The following ZNF217 variants were observed in gnomAD, a reference collection of about 807,000 sequenced individuals.
ZNF217 encodes the protein zinc finger protein 217.
ZNF217 carries 12 observed loss-of-function variants against 73.3 expected under a neutral mutation model. That is an observed-to-expected ratio of 0.16 (90% CI 0.10 to 0.27). The LOEUF is 0.27. ZNF217 is among the 10% of genes least tolerant of loss of function. The pLI is 1.00. For missense variants in ZNF217, 1,195 were observed against 1,327.8 expected (o/e 0.90, Z 1.55); for synonymous variants, 588 against 516.4 (o/e 1.14, Z -1.88).
intron 5 of ZNF217, among the ~76,000 whole-genome samples, chr20:53,570,894 A>G (rs75938534): frequency 3.9e-5 from 6 of 152,372 alleles, no homozygotes; most frequent in Non-Finnish European, 5.9e-5. Context: ...AGCAAACTGC[A>G]TAATCCATGC....
At chr20:53,587,509 G>A (rs1290626379) in intron 1 of ZNF217, among the ~76,000 whole-genome samples, 2 of 152,112 alleles carry the variant, frequency 1.3e-5, no homozygotes, top group African/African-American at 2.4e-5. Flanking sequence ...CTGATTAACA[G>A]GTTATCTTAC....
chr20:53,591,273 A>T (rs1030442702), intron 1 of ZNF217, among the ~76,000 whole-genome samples: 5 of 152,262 alleles, frequency 3.3e-5, no homozygotes, highest in African/African-American at 1.2e-4. Context: ...TTGTGAAGAC[A>T]AAAGGATTAA....
At chr20:53,590,493 A>G (rs545452215) in intron 1 of ZNF217, among the ~76,000 whole-genome samples, 36 of 152,336 alleles carry the variant, frequency 2.4e-4, no homozygotes, top group Non-Finnish European at 4.3e-4. Flanking sequence ...AAATAGAGTC[A>G]GCTAAAAGTA....
Position 53,582,665 on chromosome 20 carries a change from T to A in ZNF217, c.162A>T (p.Lys54Asn). 6.2e-7 allele frequency: 1 copy of A among 1,614,142 alleles called. No homozygotes were observed. The highest frequency in any genetic ancestry group is 8.5e-7 in the Non-Finnish European group (1 of 1,180,026). ...AVVPFRATQE[K>N]NVIQIEGYMP... is the part of the protein sequence containing the mutation. Reference sequence around the variant, plus strand: ...TATACCCCTCGATTTGGATGACATTTTTTTCTTGTGTAGCTCGGAATGGAA... The same window carrying A: ...TATACCCCTCGATTTGGATGACATTATTTTCTTGTGTAGCTCGGAATGGAA... Residue 54 changes from lysine (K) to asparagine (N), a missense_variant, in exon 2 of 6, where the codon AAA (lysine) becomes AAT (asparagine). Physicochemically the swap from Lys to Asn is moderately conservative, Grantham distance 94. Transcript: ENST00000371471. The surrounding 1 kb of genome is among the most constrained non-coding windows in gnomAD (Gnocchi z 4.8).
At position 53,582,950 on chromosome 20, in the gene ZNF217, C is replaced by T. The variant is rs1988565152; in HGVS notation, c.-124G>A. The T allele has an allele frequency of 9.3e-7, 1 of 1,077,948 alleles. No individual in the cohort carries two copies. Among genetic ancestry groups the T allele is most frequent in the Non-Finnish European group, 1.3e-6 (1 of 753,644 alleles). 66.8% of individuals were successfully genotyped at this position (1,077,948 alleles called of 1,614,324 possible). The stretch of plus-strand genomic sequence containing the variant: ...AGAGCAAATATTTATTATAAAAGTT[C>T]AAAAGAAAGTGTATAGTCCTCTAAC... On this transcript the variant is annotated 5_prime_UTR_variant, in exon 2 of 6. Transcript: ENST00000371471. This position sits in a 1 kb window ranked among gnomAD's most constrained non-coding sequence, Gnocchi z 4.8.
chr20:53,577,997 A>G (rs1046764272), intron 3 of ZNF217, among the ~76,000 whole-genome samples: 9 of 152,182 alleles, frequency 5.9e-5, no homozygotes, highest in Non-Finnish European at 1.3e-4. Context: ...CTGTAATCCC[A>G]ACTACTGGGG....
At chr20:53,594,045 C>CA (rs1988985871), upstream of ZNF217, among the ~76,000 whole-genome samples, 1 of 150,650 alleles carries the variant, frequency 6.6e-6, no homozygotes, top group South Asian at 2.1e-4. Flanking sequence ...GACCCCCCCC[C>CA]AACAAAAAAG....
At position 53,569,280 on chromosome 20, in the gene ZNF217, T is replaced by G; in HGVS notation, c.*24-16A>C. ...CCACCAAGACCTAAGGAAAACAACATTTTTTAAATGATTAAGATCAAAACT... is the reference window on the plus strand; with the variant it reads ...CCACCAAGACCTAAGGAAAACAACAGTTTTTAAATGATTAAGATCAAAACT... On this transcript the variant is annotated splice_polypyrimidine_tract_variant and intron_variant, in intron 5 of 5. Coordinates refer to ENST00000371471, the MANE Select transcript of ZNF217 (RefSeq NM_006526.3). The G allele has an allele frequency of 7.7e-7, 1 of 1,291,368 alleles. No individual in the cohort carries two copies. Among genetic ancestry groups the G allele is most frequent in the Non-Finnish European group, 1.0e-6 (1 of 990,672 alleles). The allele number at this position is 1,291,368 out of a possible 1,614,324, so 80.0% of individuals were successfully genotyped here. A position where few individuals can be genotyped will look rare whatever the true frequency, so the allele number is the denominator to read the frequency against.
chr20:53,577,580 G>C (rs528308340), intron 3 of ZNF217, among the ~76,000 whole-genome samples: 5 of 152,278 alleles, frequency 3.3e-5, no homozygotes, highest in South Asian at 2.1e-4. Context: ...GCACAAAAAG[G>C]TTAAATAACT....
At chr20:53,587,487 CCT>C (rs1336068409) in intron 1 of ZNF217, among the ~76,000 whole-genome samples, 3 of 152,172 alleles carry the variant, frequency 2.0e-5, no homozygotes, top group African/African-American at 4.8e-5. Flanking sequence ...AACAGCACAG[CCT>C]CTGTTTCTTC....
At position 53,578,421 on chromosome 20, in the gene ZNF217, GT is replaced by G; in HGVS notation, c.1395del (p.Lys465AsnfsTer50). On this transcript the variant is annotated frameshift_variant, in exon 3 of 6. Transcript: ENST00000371471. LOFTEE classifies it high-confidence loss of function. ...LDKNDDGGKI[K>X]HLTSSRECSY... ...CTACACTCTCTTGAAGATGTAAGAT[GT>G]TTTATTTTTCCTCCATCATCATTTT... 6.4e-7 allele frequency: 1 copy of G among 1,570,748 alleles called. No individual in the cohort carries two copies. The highest frequency in any genetic ancestry group is 2.0e-5 in the Admixed American group (1 of 49,486).
At chr20:53,585,095 G>GAAAAA (rs748460021) in intron 1 of ZNF217, among the ~76,000 whole-genome samples, 12 of 46,956 alleles carry the variant, frequency 2.6e-4, no homozygotes, top group East Asian at 6.0e-4. Context: ...GTGAGAATTT[G>GAAAAA]AAAAAAAAAA....
Position 53,576,555 on chromosome 20 carries a change from G to A in ZNF217, c.2209C>T (p.Pro737Ser), listed in dbSNP as rs373473921. The A allele has an allele frequency of 1.3e-5, 21 of 1,614,094 alleles. No homozygotes were observed. The highest frequency in any genetic ancestry group is 1.2e-4 in the African/African-American group (9 of 74,938). ...MHQRLEHKYN[P>S]DVHKNCRNKS... ...TTTCGACAGTTTTTATGAACGTCAG[G>A]ATTGTATTTATGCTCCAGTCTCTGG... Residue 737 changes from proline to serine, a missense_variant, in exon 4 of 6, where the codon CCT becomes TCT. Pro to Ser is a moderately conservative substitution (Grantham distance 74, BLOSUM62 -1). This residue lies in a region of ZNF217 where 649 missense variants were observed against 642.8 expected (regional missense o/e 1.01). Transcript: ENST00000371471.
upstream of ZNF217, among the ~76,000 whole-genome samples, chr20:53,595,644 A>G (rs1462709406): frequency 6.6e-6 from 1 of 152,252 alleles, no homozygotes; most frequent in East Asian, 1.9e-4. Context: ...TTCTTAGGCC[A>G]GCACTAAAAA....
At chr20:53,569,294 A>G in intron 5 of ZNF217, 30 bp from the exon 6 acceptor site, 2 of 1,276,252 alleles carry the variant, frequency 1.6e-6, no homozygotes, top group Non-Finnish European at 2.0e-6. Context: ...TTAAATGATT[A>G]AGATCAAAAC....
chr20:53,589,691 CT>C lies in ZNF217; in HGVS notation c.-343+4064del, dbSNP rs1319601568. On this transcript the variant is annotated intron_variant, in intron 1 of 5. Coordinates refer to ENST00000371471, the MANE Select transcript of ZNF217 (RefSeq NM_006526.3). The stretch of plus-strand genomic sequence containing the variant: ...GCCCCAGATACCACTGCAAATTTGT[CT>C]GTTATTACTGGTTGGGGAAAAATAA... Among the ~76,000 whole-genome samples the C allele has an allele frequency of 2.0e-5, 3 of 152,292 alleles. 1 individual carries two copies. In the East Asian group the frequency reaches 5.8e-4, roughly 29 times the overall value.
Position 53,583,118 on chromosome 20 carries a change from A to G in ZNF217, c.-292T>C, listed in dbSNP as rs1988569973. 7 of 417,054 alleles carry G rather than the reference A, an allele frequency of 1.7e-5. No homozygotes were observed. The highest frequency in any genetic ancestry group is 3.0e-5 in the Non-Finnish European group (7 of 236,302). 25.8% of individuals were successfully genotyped at this position (417,054 alleles called of 1,614,324 possible). A position where few individuals can be genotyped will look rare whatever the true frequency, so the allele number is the denominator to read the frequency against. ...TTGTCTCCATTGAATGAGTGTTTCA[A>G]TTGAGCAAGAAGTCAATCCCAGCAA... On this transcript the variant is annotated 5_prime_UTR_variant, in exon 2 of 6. Transcript: ENST00000371471.
chr20:53,569,463 A>C (rs1215098001), intron 5 of ZNF217, among the ~76,000 whole-genome samples, 199 bp from the exon 6 acceptor site: 1 of 152,036 alleles, frequency 6.6e-6, no homozygotes, highest in Non-Finnish European at 1.5e-5. Context: ...GCTCACTGCA[A>C]CCTCTACCTC....
At chr20:53,591,090 T>G (rs1426090237) in intron 1 of ZNF217, among the ~76,000 whole-genome samples, 1 of 151,976 alleles carries the variant, frequency 6.6e-6, no homozygotes, top group Admixed American at 6.5e-5. Flanking sequence ...CAAAATAGAT[T>G]CCTCAGGGTA....
Sources: allele counts gnomAD v4.1 joint callset (sites outside exome capture counted in the v4.1 genomes callset), GRCh38; gene constraint gnomAD v4.1.1; regional missense constraint gnomAD v4.1.1; non-coding constraint Gnocchi (gnomAD v3.1); transcripts MANE v1.5; gene names NCBI Gene and HGNC (gene_info 2026-07-23, HGNC 2026-07-21).